ZFHX3: variants seen among roughly 807,000 people sequenced by gnomAD.
ZFHX3 encodes the protein zinc finger homeobox 3.
Under a neutral mutation model 279.1 loss-of-function variants are expected in ZFHX3, and 42 were observed. That is an observed-to-expected ratio of 0.15 (90% CI 0.12 to 0.19). ZFHX3 has a LOEUF of 0.19. Among genes scored for constraint, ZFHX3 ranks in the 10% least tolerant of loss-of-function variants. The pLI, the probability that ZFHX3 is intolerant of heterozygous loss-of-function variation, is 1.00. For synonymous variants in ZFHX3, 2,293 were observed against 1,957.8 expected (o/e 1.17, Z -4.52); for missense variants, 4,981 against 4,754.0 (o/e 1.05, Z -1.40).
intron 4 of ZFHX3, among the ~76,000 whole-genome samples, chr16:72,883,184 A>G (rs994307104): frequency 2.0e-5 from 3 of 152,184 alleles, no homozygotes; most frequent in African/African-American, 7.2e-5. Flanking sequence ...AGATTGTTAG[A>G]GGACTAATTA....
At chr16:73,247,995 ATGAG>A (rs1361779264) in intron 5 of ZFHX3, among the ~76,000 whole-genome samples, 13 of 145,668 alleles carry the variant, frequency 8.9e-5, no homozygotes, top group Non-Finnish European at 1.7e-4. Flanking sequence ...TGTGCAGTGT[ATGAG>A]TGTGTGTATA....
chr16:73,810,727 G>A (rs1269387192), intron 1 of ZFHX3, among the ~76,000 whole-genome samples: 1 of 152,060 alleles, frequency 6.6e-6, no homozygotes, highest in Non-Finnish European at 1.5e-5. Flanking sequence ...TGAACTATCA[G>A]GGAAATCTTA....
chr16:73,775,041 C>T (rs539607702), intron 1 of ZFHX3, among the ~76,000 whole-genome samples: 3 of 151,996 alleles, frequency 2.0e-5, no homozygotes, highest in South Asian at 2.1e-4. Context: ...CTTCCATCCC[C>T]GCCTCTTCTC....
rs142904581 is a variant in ZFHX3 at position 73,146,520 on chromosome 16, A to G, written c.-1103-2689T>C. Among the ~76,000 whole-genome samples, 914 of 152,292 alleles carry G rather than the reference A, an allele frequency of 6.0e-3. 10 individuals are homozygous for G. Among genetic ancestry groups the G allele is most frequent in the African/African-American group, 0.021 (883 of 41,564 alleles). On this transcript the variant is annotated intron_variant, in intron 5 of 17. Transcript: ENST00000641206. Reference sequence around the variant, plus strand: ...AATGCAGCCTCTGCTAAGACAGACAATAAACAACTAGAAAGCATGAATGGG... The same window carrying G: ...AATGCAGCCTCTGCTAAGACAGACAGTAAACAACTAGAAAGCATGAATGGG...
intron 4 of ZFHX3, among the ~76,000 whole-genome samples, chr16:72,851,617 C>T (rs1389142608): frequency 1.3e-5 from 2 of 151,878 alleles, no homozygotes; most frequent in South Asian, 2.1e-4. Flanking sequence ...TGCAGTGGTG[C>T]AAGCTCTGCT....
At chr16:73,112,901 TCGGAGCCAG>T (rs1341484621) in intron 7 of ZFHX3, among the ~76,000 whole-genome samples, 2 of 151,830 alleles carry the variant, frequency 1.3e-5, no homozygotes, top group East Asian at 3.9e-4. Flanking sequence ...CACAGCCCCA[TCGGAGCCAG>T]GCCCGCCCTG....
intron 5 of ZFHX3, among the ~76,000 whole-genome samples, chr16:73,200,978 C>T (rs1968255667): frequency 6.6e-6 from 1 of 152,114 alleles, no homozygotes; most frequent in Non-Finnish European, 1.5e-5. Context: ...GTATTGCTTC[C>T]CTTTCTTTTG....
At chr16:73,739,866 T>G (rs1023502008) in intron 1 of ZFHX3, among the ~76,000 whole-genome samples, 1 of 152,172 alleles carries the variant, frequency 6.6e-6, no homozygotes, top group African/African-American at 2.4e-5. Flanking sequence ...CCCCAAGGCA[T>G]GAGGAAAACA....
intron 1 of ZFHX3, among the ~76,000 whole-genome samples, chr16:73,722,623 A>G (rs1032299574): frequency 3.3e-5 from 5 of 152,068 alleles, no homozygotes; most frequent in African/African-American, 9.7e-5. Flanking sequence ...TTTTTCTAAG[A>G]GAGAACTAAA....
chr16:73,526,515 C>G (rs1415846510), intron 2 of ZFHX3, among the ~76,000 whole-genome samples: 1 of 152,214 alleles, frequency 6.6e-6, no homozygotes, highest in Non-Finnish European at 1.5e-5. Flanking sequence ...AAACATAAAC[C>G]AGGCCTCGTT....
At chr16:73,282,074 T>C (rs1205952429) in intron 4 of ZFHX3, among the ~76,000 whole-genome samples, 1 of 152,244 alleles carries the variant, frequency 6.6e-6, no homozygotes, top group South Asian at 2.1e-4. Context: ...GAATTGTGTG[T>C]GCGCGTTTGT....
intron 1 of ZFHX3, among the ~76,000 whole-genome samples, chr16:73,792,865 C>CCCG (rs1555501990): frequency 2.0e-4 from 29 of 148,706 alleles, no homozygotes; most frequent in African/African-American, 6.8e-4. Flanking sequence ...CACCCCCCCC[C>CCCG]TCCCCTCTCT....
intron 4 of ZFHX3, among the ~76,000 whole-genome samples, chr16:73,273,526 T>C (rs7188469): frequency 0.69 from 105,350 of 151,778 alleles, 37,733 homozygotes; most frequent in African/African-American, 0.88. Flanking sequence ...ATACATAATC[T>C]GTCCATTTTT....
chr16:72,893,634 A>C (rs9925261), intron 3 of ZFHX3, among the ~76,000 whole-genome samples: 68,280 of 152,060 alleles, frequency 0.45, 18,014 homozygotes, highest in African/African-American at 0.74. Flanking sequence ...GCCATGAATT[A>C]TTCTGTCTGC....
intron 1 of ZFHX3, among the ~76,000 whole-genome samples, chr16:73,702,423 G>A (rs1474324698): frequency 6.6e-6 from 1 of 152,158 alleles, no homozygotes; most frequent in African/African-American, 2.4e-5. Context: ...GAGTGGCGGT[G>A]TTTTCTTCCA....
At chr16:73,713,627 G>C (rs1200049548) in intron 1 of ZFHX3, among the ~76,000 whole-genome samples, 1 of 150,240 alleles carries the variant, frequency 6.7e-6, no homozygotes, top group Non-Finnish European at 1.5e-5. Context: ...AAAGATATTA[G>C]CTTTTTTTTT....
chr16:72,793,315 G>A lies in ZFHX3; in HGVS notation c.9367C>T (p.Pro3123Ser), dbSNP rs764071461. The change falls in exon 9 of 10, where the codon CCT (proline) becomes TCT (serine). Residue 3123 changes from proline (P) to serine (S), a missense_variant. This residue lies in a region of ZFHX3 where 1,034 missense variants were observed against 786.0 expected (regional missense o/e 1.32). Coordinates refer to ENST00000268489, the MANE Select transcript of ZFHX3 (RefSeq NM_006885.4). This position sits in a 1 kb window ranked among gnomAD's most constrained non-coding sequence, Gnocchi z 4.3. Reference sequence around the variant, plus strand: ...CTGTTGAGGCCCGGGAGCAACACAGGAGGAATGCCCTGGAGCGCTGGATAT... The same window carrying A: ...CTGTTGAGGCCCGGGAGCAACACAGAAGGAATGCCCTGGAGCGCTGGATAT... ...TAYPALQGIP[P>S]VLLPGLNSPS... 3 of 1,614,062 alleles carry A rather than the reference G, an allele frequency of 1.9e-6. No individual in the cohort carries two copies. Among genetic ancestry groups the A allele is most frequent in the African/African-American group, 1.3e-5 (1 of 74,928 alleles).
At chr16:72,816,178 C>T (rs1339183489) in intron 5 of ZFHX3, among the ~76,000 whole-genome samples, 4 of 152,098 alleles carry the variant, frequency 2.6e-5, no homozygotes, top group Admixed American at 6.5e-5. Flanking sequence ...TTTAATATTA[C>T]AGTTATCATT....
rs900653444 is a variant in ZFHX3 at position 73,453,849 on chromosome 16, T to A, written c.-1291+2154A>T. On this transcript the variant is annotated intron_variant, in intron 3 of 17. Coordinates refer to the ZFHX3 transcript ENST00000641206. ...ACGTCTTTGTAAAACCATCAGGTCT[T>A]GTGAGACTTATTCACTATCACCAGA... is the stretch of plus-strand genomic sequence containing the variant. Among the ~76,000 whole-genome samples the A allele has an allele frequency of 2.0e-5, 3 of 152,304 alleles. No homozygotes were observed. In the East Asian group the frequency reaches 5.8e-4, roughly 29 times the overall value.
Sources: allele counts gnomAD v4.1 joint callset (sites outside exome capture counted in the v4.1 genomes callset), GRCh38; gene constraint gnomAD v4.1.1; regional missense constraint gnomAD v4.1.1; non-coding constraint Gnocchi (gnomAD v3.1); transcripts MANE v1.5; gene names NCBI Gene and HGNC (gene_info 2026-07-23, HGNC 2026-07-21).